Variants in CENPW observed in about 807,000 individuals in gnomAD.
CENPW encodes centromere protein W.
In CENPW, 3 loss-of-function variants were observed where a neutral mutation model predicts 11.1. The observed-to-expected ratio is 0.27, with a 90% confidence interval of 0.12 to 0.70. The LOEUF (loss-of-function observed/expected upper bound fraction) is 0.70, where lower values mean the gene tolerates loss of function less well. Among genes scored for constraint, CENPW ranks in the 30% least tolerant of loss-of-function variants. The pLI is 0.77. For synonymous variants in CENPW, 38 were observed against 42.0 expected (o/e 0.91, Z 0.37); for missense variants, 100 against 105.6 (o/e 0.95, Z 0.23).
the CENPW span, among the ~76,000 whole-genome samples, chr6:126,471,682 G>C: frequency 6.6e-6 from 1 of 152,048 alleles, no homozygotes; most frequent in Non-Finnish European, 1.5e-5. Context: ...TATAAAGTTG[G>C]TAGAAAAAAC....
At chr6:126,367,860 A>G in the CENPW span, among the ~76,000 whole-genome samples, 1,039 of 152,306 alleles carry the variant, frequency 6.8e-3, 8 homozygotes, top group African/African-American at 0.023. Context: ...AAAAAATTAC[A>G]TAAAGTGTTT....
At chr6:126,343,545 C>T (rs1057467693) in intron 1 of CENPW, among the ~76,000 whole-genome samples, 3 of 152,142 alleles carry the variant, frequency 2.0e-5, no homozygotes, top group Non-Finnish European at 4.4e-5. Flanking sequence ...CAGTCCCAGT[C>T]CCCAAACCTC....
the CENPW span, among the ~76,000 whole-genome samples, chr6:126,406,077 G>T: frequency 6.6e-6 from 1 of 152,094 alleles, no homozygotes; most frequent in African/African-American, 2.4e-5. Flanking sequence ...TCAGCATAAC[G>T]TTAGCTGTGG....
chr6:126,453,278 A>T, the CENPW span, among the ~76,000 whole-genome samples: 1 of 151,258 alleles, frequency 6.6e-6, no homozygotes, highest in Non-Finnish European at 1.5e-5. Context: ...CCAAGGCTGA[A>T]ATGAAGGAAA....
At chr6:126,438,999 A>G in the CENPW span, among the ~76,000 whole-genome samples, 1 of 151,766 alleles carries the variant, frequency 6.6e-6, no homozygotes, top group African/African-American at 2.4e-5. Context: ...ATGGCTAGCA[A>G]AGATATGTAT....
the CENPW span, among the ~76,000 whole-genome samples, chr6:126,383,232 A>C: frequency 6.6e-6 from 1 of 152,162 alleles, no homozygotes; most frequent in East Asian, 1.9e-4. Flanking sequence ...TTCTGAGGGA[A>C]TTTGTTCCCA....
chr6:126,417,697 T>A, the CENPW span, among the ~76,000 whole-genome samples: 5 of 152,312 alleles, frequency 3.3e-5, no homozygotes, highest in African/African-American at 1.2e-4. Flanking sequence ...CCCCAGTCAC[T>A]TGGAACAGTA....
chr6:126,396,578 T>A, the CENPW span, among the ~76,000 whole-genome samples: 1 of 152,122 alleles, frequency 6.6e-6, no homozygotes, highest in African/African-American at 2.4e-5. Flanking sequence ...GGTGCAAGAC[T>A]AAGTCATCTT....
At chr6:126,424,713 G>T in the CENPW span, among the ~76,000 whole-genome samples, 30 of 152,098 alleles carry the variant, frequency 2.0e-4, no homozygotes, top group African/African-American at 6.8e-4. Flanking sequence ...GGATGGCCAT[G>T]GGTTGGATCA....
At chr6:126,396,435 G>A in the CENPW span, among the ~76,000 whole-genome samples, 5 of 152,046 alleles carry the variant, frequency 3.3e-5, no homozygotes, top group African/African-American at 7.2e-5. Context: ...CCTGAAACTC[G>A]CCCTTCAAGG....
chr6:126,359,836 G>T, the CENPW span, among the ~76,000 whole-genome samples: 1 of 151,372 alleles, frequency 6.6e-6, no homozygotes, highest in African/African-American at 2.4e-5. Flanking sequence ...TTACTTGTGA[G>T]ATGGGCCTCT....
chr6:126,382,673 C>CA, the CENPW span, among the ~76,000 whole-genome samples: 2 of 151,906 alleles, frequency 1.3e-5, no homozygotes, highest in African/African-American at 4.8e-5. Context: ...CAGAATAGAC[C>CA]AAGCTGAGGA....
downstream of CENPW, among the ~76,000 whole-genome samples, chr6:126,352,345 C>A (rs1316623877): frequency 6.6e-6 from 1 of 152,074 alleles, no homozygotes; most frequent in Non-Finnish European, 1.5e-5. Flanking sequence ...TTTGCTTTTA[C>A]TTGAGTTGCC....
the CENPW span, among the ~76,000 whole-genome samples, chr6:126,405,764 G>T: frequency 6.6e-6 from 1 of 152,054 alleles, no homozygotes; most frequent in South Asian, 2.1e-4. Flanking sequence ...GTTTAAAATG[G>T]AATGGTTTTT....
the CENPW span, among the ~76,000 whole-genome samples, chr6:126,403,914 G>C: frequency 1.3e-5 from 2 of 152,064 alleles, no homozygotes; most frequent in Non-Finnish European, 2.9e-5. Flanking sequence ...GATAATGCCT[G>C]ACTTTAAGGA....
At chr6:126,414,335 C>T in the CENPW span, among the ~76,000 whole-genome samples, 1 of 152,084 alleles carries the variant, frequency 6.6e-6, no homozygotes. Context: ...GCATTTCATC[C>T]AACAGCTGCA....
At chr6:126,414,553 T>C in the CENPW span, among the ~76,000 whole-genome samples, 1 of 152,036 alleles carries the variant, frequency 6.6e-6, no homozygotes, top group Admixed American at 6.6e-5. Flanking sequence ...GAACAACCAA[T>C]GAGTTCATGA....
chr6:126,476,861 A>T, the CENPW span, among the ~76,000 whole-genome samples: 3 of 151,742 alleles, frequency 2.0e-5, no homozygotes, highest in African/African-American at 7.2e-5. Context: ...CTAAAACCAG[A>T]TGGGTTAATG....
the CENPW span, among the ~76,000 whole-genome samples, chr6:126,404,906 CT>C: frequency 7.4e-6 from 1 of 134,250 alleles, no homozygotes; most frequent in African/African-American, 2.8e-5. Flanking sequence ...GAATTTTAAT[CT>C]TTTGTTGGAT....
Sources: gnomAD v4.1 joint callset for allele counts (sites outside exome capture counted in the v4.1 genomes callset) on GRCh38, gnomAD v4.1.1 for gene constraint, MANE v1.5 for transcripts, NCBI Gene and HGNC (gene_info 2026-07-23, HGNC 2026-07-21) for gene names.